Variants in DHX37 observed in about 807,000 individuals in gnomAD.
The protein encoded by DHX37 is DEAH-box helicase 37.
A neutral mutation model predicts 134.3 loss-of-function variants in DHX37; 52 were observed. The observed-to-expected ratio is 0.39, with a 90% CI of 0.31 to 0.49. DHX37 has a LOEUF of 0.49. Among genes scored for constraint, DHX37 ranks in the 20% least tolerant of loss-of-function variants. The probability of loss-of-function intolerance (pLI) is 0.93; values close to 1 mark genes in which losing one functional copy is unlikely to be tolerated. For synonymous variants in DHX37, 634 were observed against 670.7 expected, an observed-to-expected ratio of 0.95 and a Z score of 0.85; for missense variants, 1,344 against 1,580.8, an observed-to-expected ratio of 0.85 and a Z score of 2.54.
chr12:124,976,493 C>A (rs190486060), intron 5 of DHX37, among the ~76,000 whole-genome samples: 1 of 152,150 alleles, frequency 6.6e-6, no homozygotes, highest in Admixed American at 6.6e-5. Flanking sequence ...GGGTGGATCA[C>A]ATGAGGTCAG....
chr12:124,973,360 C>G (rs1007735494), intron 6 of DHX37, among the ~76,000 whole-genome samples: 7 of 151,688 alleles, frequency 4.6e-5, no homozygotes, highest in Admixed American at 2.6e-4. Context: ...GCCAAGATCG[C>G]ACCACTGAAC....
intron 16 of DHX37, among the ~76,000 whole-genome samples, chr12:124,958,871 G>A (rs995127430): frequency 3.3e-5 from 5 of 149,286 alleles, no homozygotes; most frequent in African/African-American, 7.4e-5. Flanking sequence ...TGATCCACCC[G>A]CCTCGGCCTC....
In DHX37 at chr12:124,968,977, G is replaced by A. The variant is rs1364230415; in HGVS notation, c.1192-9C>T. ...TTGAGTGGCAGGTTCCTCTGCAAAA[G>A]GACAGGCTCAGTGACCGTGGCCCCA... On this transcript the variant is annotated splice_polypyrimidine_tract_variant and intron_variant, in intron 8 of 26. Transcript: ENST00000308736. The A allele has an allele frequency of 1.9e-6, 3 of 1,612,524 alleles. No individual in the cohort carries two copies. The Admixed American group carries it at 5.0e-5, about 27-fold the overall frequency.
intron 15 of DHX37, among the ~76,000 whole-genome samples, chr12:124,961,251 CGCACGCACACACAT>C (rs1954247811): frequency 7.5e-6 from 1 of 132,640 alleles, no homozygotes; most frequent in African/African-American, 3.2e-5. Context: ...CACGCGTGCA[CGCACGCACACACAT>C]ACACGCGTGC....
chr12:124,977,045 C>CA (rs368454437), intron 5 of DHX37, among the ~76,000 whole-genome samples: 88,505 of 122,594 alleles, frequency 0.72, 30,685 homozygotes, highest in East Asian at 0.84. Context: ...GACGCTGTCT[C>CA]AAAAAAAAAA....
Position 124,971,392 on chromosome 12 carries a change from C to G in DHX37, c.1101G>C (p.Lys367Asn), listed in dbSNP as rs775355315. ...IQKDFLLLRY[K>N]VVIIDEAHER... ...CGTGGGCCTCGTCGATGATCACCAC[C>G]TTGTACCGCAGCAGCAGGAAGTCCT... The change falls in exon 8 of 27, where the codon AAG becomes AAC. Residue 367 changes from lysine to asparagine, a missense_variant. Around this residue, in one of 7 missense-constraint regions of DHX37, gnomAD observed 30 missense variants for 72.5 expected, o/e 0.41. Coordinates refer to ENST00000308736, the MANE Select transcript of DHX37 (RefSeq NM_032656.4). 1 of 1,613,240 alleles carries G rather than the reference C, an allele frequency of 6.2e-7. No individual in the cohort carries two copies. Among genetic ancestry groups the G allele is most frequent in the Non-Finnish European group, 8.5e-7 (1 of 1,180,010 alleles).
At chr12:124,953,135 A>G (rs925748881) in intron 20 of DHX37, 1 of 152,452 alleles carries the variant, frequency 6.6e-6, no homozygotes, top group African/African-American at 2.4e-5. Flanking sequence ...TAATGTCACC[A>G]AGCCACTGTA....
rs1566332729 is a variant in DHX37 at position 124,961,288 on chromosome 12, TTACACGCGTGCACGCAC to T, written c.2046-882_2046-866del. Among the ~76,000 whole-genome samples, 1,026 of 103,180 alleles carry T rather than the reference TTACACGCGTGCACGCAC, an allele frequency of 9.9e-3. 18 individuals are homozygous for T. The highest frequency in any genetic ancestry group is 0.035 in the African/African-American group (960 of 27,472). 67.7% of individuals were successfully genotyped at this position (103,180 alleles called of 152,430 possible). ...CATACACGCGTGCACGCACACACAC[TTACACGCGTGCACGCAC>T]GCACACACACTTACATACACACGTG... On this transcript the variant is annotated intron_variant, in intron 15 of 26. Transcript: ENST00000308736.
At chr12:124,969,079 C>G in intron 8 of DHX37, 111 bp from the exon 9 acceptor site, 1 of 1,038,186 alleles carries the variant, frequency 9.6e-7, no homozygotes, top group Non-Finnish European at 1.4e-6. Flanking sequence ...AGCCCCCACC[C>G]TCTGCCCCTT....
Position 124,971,388 on chromosome 12 carries a change from C to T in DHX37, c.1105G>A (p.Val369Met), listed in dbSNP as rs1033470433. 3 of 1,613,382 alleles carry T rather than the reference C, an allele frequency of 1.9e-6. No homozygotes were observed. Among genetic ancestry groups the T allele is most frequent in the Middle Eastern group, 1.7e-4 (1 of 5,936 alleles). The change falls in exon 8 of 27, where the codon GTG (valine) becomes ATG (methionine). Residue 369 changes from valine to methionine, a missense_variant. Physicochemically the swap from Val to Met is conservative, Grantham distance 21. Around this residue, in one of 7 missense-constraint regions of DHX37, gnomAD observed 30 missense variants for 72.5 expected, o/e 0.41. Coordinates refer to ENST00000308736, the MANE Select transcript of DHX37 (RefSeq NM_032656.4). ...KDFLLLRYKV[V>M]IIDEAHERSV... ...CTCTCGTGGGCCTCGTCGATGATCA[C>T]CACCTTGTACCGCAGCAGCAGGAAG...
At position 124,954,362 on chromosome 12, in the gene DHX37, T is replaced by G; in HGVS notation, c.2454-151A>C. 4 of 1,221,204 alleles carry G rather than the reference T, an allele frequency of 3.3e-6. No individual in the cohort carries two copies. The South Asian group carries it at 8.1e-5, about 25-fold the overall frequency. The allele number at this position is 1,221,204 out of a possible 1,614,324, so 75.6% of individuals were successfully genotyped here. A position where few individuals can be genotyped will look rare whatever the true frequency, so the allele number is the denominator to read the frequency against. ...AAGGTATTAAGGTCCAGCTCAAAAT[T>G]CACCATTGGCAGCCACCGCTGCACT... On this transcript the variant is annotated intron_variant, in intron 18 of 26. Coordinates refer to ENST00000308736, the MANE Select transcript of DHX37 (RefSeq NM_032656.4).
intron 16 of DHX37, among the ~76,000 whole-genome samples, chr12:124,958,292 A>G (rs766227719): frequency 6.6e-6 from 1 of 152,152 alleles, no homozygotes. Flanking sequence ...GTAAGGAGGC[A>G]ATGCTAGGAA....
At position 124,986,114 on chromosome 12, in the gene DHX37, C is replaced by T. The variant is rs756326545; in HGVS notation, c.258G>A (p.Gln86=). 1.2e-6 allele frequency: 2 copies of T among 1,614,050 alleles called. No individual in the cohort carries two copies. Among genetic ancestry groups the T allele is most frequent in the South Asian group, 2.2e-5 (2 of 91,054 alleles). The change falls in exon 2 of 27, where the codon CAG becomes CAA. Residue 86 remains glutamine (Q), a synonymous_variant. Coordinates refer to ENST00000308736, the MANE Select transcript of DHX37 (RefSeq NM_032656.4). ...EKKVLQKILE[Q]KEKKSQRAEM... The stretch of plus-strand genomic sequence containing the variant: ...GGTGTACCTGGCTCTTTTTCTCCTT[C>T]TGTTCTAAGATTTTCTGCAGCACTT...
At position 124,980,411 on chromosome 12, in the gene DHX37, C is replaced by A; in HGVS notation, c.738+79G>T. The A allele has an allele frequency of 6.8e-7, 1 of 1,481,270 alleles. No homozygotes were observed. The highest frequency in any genetic ancestry group is 2.2e-5 in the Admixed American group (1 of 45,796). 91.8% of individuals were successfully genotyped at this position (1,481,270 alleles called of 1,614,324 possible). A position where few individuals can be genotyped will look rare whatever the true frequency, so the allele number is the denominator to read the frequency against. On this transcript the variant is annotated intron_variant, in intron 4 of 26. Coordinates refer to ENST00000308736, the MANE Select transcript of DHX37 (RefSeq NM_032656.4). This position sits in a 1 kb window ranked among gnomAD's most constrained non-coding sequence, Gnocchi z 5.3. ...GAGGCACAGAGAAGGGATGCCCTTG[C>A]CCCACTTCACCAGGACGCCCTCTGT...
chr12:124,982,442 A>G, intron 3 of DHX37, 69 bp downstream of exon 3: 4 of 1,589,556 alleles, frequency 2.5e-6, no homozygotes, highest in South Asian at 1.1e-5. Flanking sequence ...AGAGGACCCC[A>G]TAACCTGTGC....
At chr12:124,948,843 G>A (rs1166440525) in intron 25 of DHX37, among the ~76,000 whole-genome samples, 1 of 30,852 alleles carries the variant, frequency 3.2e-5, no homozygotes, top group African/African-American at 7.4e-5. Flanking sequence ...TAAAATAAAA[G>A]AGAAGGCAAA....
At chr12:124,987,498 C>T (rs985227860) in intron 1 of DHX37, among the ~76,000 whole-genome samples, 2 of 152,220 alleles carry the variant, frequency 1.3e-5, no homozygotes, top group African/African-American at 4.8e-5. Context: ...AGCCCCTCTG[C>T]TCAGGTGGTC....
chr12:124,973,632 C>G (rs7974652), intron 6 of DHX37, among the ~76,000 whole-genome samples: 2 of 136,074 alleles, frequency 1.5e-5, no homozygotes, highest in African/African-American at 2.7e-5. Context: ...TGCGCCCCCC[C>G]CAACGCTTTT....
rs1953943074 is a variant in DHX37, at chr12:124,950,039, T to C, written c.3237A>G (p.Ser1079=). 3 of 1,613,384 alleles carry C rather than the reference T, an allele frequency of 1.9e-6. No homozygotes were observed. In the African/African-American group the frequency reaches 4.0e-5, roughly 22 times the overall value. The change falls in exon 25 of 27, where the codon TCA becomes TCG. Residue 1079 remains serine (S), a synonymous_variant. Transcript: ENST00000308736. ...GGCTGGACAGCAGACAGCTCCGGTA[T>C]GAGGCCAGCTTGCGGAAGACCTGAT... ...LEGQVFRKLA[S]YRSCLLSSPG...
Sources: gnomAD v4.1 joint callset for allele counts (sites outside exome capture counted in the v4.1 genomes callset) on GRCh38, gnomAD v4.1.1 for gene constraint, gnomAD v4.1.1 regional missense constraint, Gnocchi (gnomAD v3.1) non-coding constraint, MANE v1.5 for transcripts, NCBI Gene and HGNC (gene_info 2026-07-23, HGNC 2026-07-21) for gene names.